Variants in HIBCH observed in about 807,000 individuals in gnomAD.
The protein encoded by HIBCH is 3-hydroxyisobutyryl-CoA hydrolase.
A neutral mutation model predicts 58.2 loss-of-function variants in HIBCH; 50 were observed. The observed-to-expected ratio is 0.86, with a 90% CI of 0.68 to 1.09. The LOEUF (loss-of-function observed/expected upper bound fraction) is 1.09, where lower values mean the gene tolerates loss of function less well. Ranked by LOEUF, HIBCH falls within the 50% of genes least tolerant of loss-of-function variation. The pLI is 0.00. For missense variants in HIBCH, 450 were observed against 449.7 expected (o/e 1.00, Z -0.01); for synonymous variants, 151 against 146.9 (o/e 1.03, Z -0.20).
At chr2:190,280,375 TC>T (rs1441262286) in intron 6 of HIBCH, among the ~76,000 whole-genome samples, 2 of 151,850 alleles carry the variant, frequency 1.3e-5, no homozygotes, top group Non-Finnish European at 2.9e-5. Context: ...GGCAGAGAGC[TC>T]CCCCACACCC....
intron 11 of HIBCH, among the ~76,000 whole-genome samples, chr2:190,221,882 C>T (rs1372483648): frequency 6.6e-6 from 1 of 152,164 alleles, no homozygotes; most frequent in Non-Finnish European, 1.5e-5. Flanking sequence ...CCACTCCATT[C>T]CCTTTACAGC....
chr2:190,220,254 T>C (rs1685679543), intron 11 of HIBCH: 1 of 152,202 alleles, frequency 6.6e-6, no homozygotes, highest in Non-Finnish European at 1.5e-5. Flanking sequence ...TTTTCAAGTT[T>C]ATTGTTGAAT....
chr2:190,235,928 T>C (rs1416913315), intron 11 of HIBCH, among the ~76,000 whole-genome samples: 1 of 152,246 alleles, frequency 6.6e-6, no homozygotes, highest in East Asian at 1.9e-4. Flanking sequence ...ATTGTCATTT[T>C]CATACTTCAG....
chr2:190,237,421 T>A (rs1282377899), intron 11 of HIBCH, among the ~76,000 whole-genome samples: 7 of 152,360 alleles, frequency 4.6e-5, no homozygotes. Flanking sequence ...TATTCCATTG[T>A]ATAAATATAT....
chr2:190,190,310 A>C (rs547089970), intron 1 of HIBCH, among the ~76,000 whole-genome samples: 1 of 152,318 alleles, frequency 6.6e-6, no homozygotes. Flanking sequence ...ATTCATATAA[A>C]TATGATCCAT....
At chr2:190,192,367 A>G (rs912224897) in intron 1 of HIBCH, among the ~76,000 whole-genome samples, 2 of 151,914 alleles carry the variant, frequency 1.3e-5, no homozygotes, top group Admixed American at 1.3e-4. Flanking sequence ...TCTTAACATT[A>G]GATAATAGGA....
chr2:190,212,720 TAG>T (rs1391334353), intron 12 of HIBCH, among the ~76,000 whole-genome samples: 2 of 152,220 alleles, frequency 1.3e-5, no homozygotes, highest in Non-Finnish European at 2.9e-5. Flanking sequence ...AAGATGAGGT[TAG>T]AGAGCTTCTT....
At chr2:190,311,950 T>TG (rs1315844415) in intron 1 of HIBCH, among the ~76,000 whole-genome samples, 1 of 152,042 alleles carries the variant, frequency 6.6e-6, no homozygotes, top group South Asian at 2.1e-4. Flanking sequence ...ATGGTGAGGG[T>TG]GGGGGCACCT....
chr2:190,308,779 G>A (rs1326016035), intron 2 of HIBCH, among the ~76,000 whole-genome samples: 4 of 152,198 alleles, frequency 2.6e-5, no homozygotes, highest in African/African-American at 4.8e-5. Flanking sequence ...CAGTTAGGAA[G>A]GGATATGCCA....
In HIBCH at chr2:190,210,747, C is replaced by G. The variant is rs537628340; in HGVS notation, c.1012-1834G>C. Among the ~76,000 whole-genome samples, 1 of 152,154 alleles carries G rather than the reference C, an allele frequency of 6.6e-6. No homozygotes were observed. Among genetic ancestry groups the G allele is most frequent in the Non-Finnish European group, 1.5e-5 (1 of 68,036 alleles). On this transcript the variant is annotated intron_variant, in intron 12 of 13. Transcript: ENST00000359678. The surrounding 1 kb of genome is among the most constrained non-coding windows in gnomAD (Gnocchi z 5.5). ...GCCTCTTTGTGGTCCCTAGCACAGG[C>G]AGTCATGCTCCAGCCTCACAGCTTT...
downstream of HIBCH, among the ~76,000 whole-genome samples, chr2:190,199,294 TGTA>T (rs1320258046): frequency 7.9e-5 from 12 of 152,206 alleles, no homozygotes; most frequent in African/African-American, 2.7e-4. Flanking sequence ...GTTCTGCTGT[TGTA>T]GTATGAACGC....
chr2:190,253,278 T>C (rs1233959068), intron 7 of HIBCH, among the ~76,000 whole-genome samples: 2 of 152,176 alleles, frequency 1.3e-5, no homozygotes, highest in Admixed American at 1.3e-4. Flanking sequence ...CTTAAACAAC[T>C]GTGACCCTCT....
At chr2:190,261,268 GA>G in intron 6 of HIBCH, 34 bp from the exon 7 acceptor site, 5 of 1,439,554 alleles carry the variant, frequency 3.5e-6, no homozygotes, top group Non-Finnish European at 4.9e-6. Flanking sequence ...AGGCGGGGGG[GA>G]ATTAAACATA....
intron 1 of HIBCH, chr2:190,311,035 T>C (rs1330488876): frequency 1.5e-6 from 1 of 666,918 alleles, no homozygotes; most frequent in South Asian, 1.5e-5. Flanking sequence ...ACCAAGATGT[T>C]CTTCAATGGT....
rs1446415132 is a variant in HIBCH at position 190,206,402 on chromosome 2, G to T, written c.1046-1170C>A. The stretch of plus-strand genomic sequence containing the variant: ...GAATCTCTCTCACTCTAAGTCTTCT[G>T]GTCAATACTACCTGTCTCCTTGAGA... On this transcript the variant is annotated intron_variant, in intron 13 of 13. Transcript: ENST00000359678. The surrounding 1 kb of genome is among the most constrained non-coding windows in gnomAD (Gnocchi z 5.1). Among the ~76,000 whole-genome samples, 1 of 152,140 alleles carries T rather than the reference G, an allele frequency of 6.6e-6. No individual in the cohort carries two copies. The highest frequency in any genetic ancestry group is 1.9e-4 in the East Asian group (1 of 5,200).
intron 6 of HIBCH, among the ~76,000 whole-genome samples, chr2:190,265,122 CAA>C (rs1167140474): frequency 0.01 from 589 of 56,148 alleles, no homozygotes; most frequent in African/African-American, 0.039. Context: ...GACTCCGTCT[CAA>C]AAAAAAAAAA....
intron 11 of HIBCH, among the ~76,000 whole-genome samples, chr2:190,232,169 C>G (rs1426730831): frequency 6.6e-6 from 1 of 151,672 alleles, no homozygotes; most frequent in African/African-American, 2.4e-5. Context: ...CACTCCAGCC[C>G]GGGCAACAGA....
rs561356136 is a variant in HIBCH, at chr2:190,235,879, G to A, written c.891+9008C>T. 1.1e-4 allele frequency among the ~76,000 whole-genome samples: 17 copies of A among 152,264 alleles called. No individual in the cohort carries two copies. The East Asian group carries it at 3.3e-3, about 29-fold the overall frequency. On this transcript the variant is annotated intron_variant, in intron 11 of 13. Transcript: ENST00000359678. ...CTGCATTGTAATTGTTTATGTGTGTGTTCCACTAGATTGCAAACTCCCTGA... is the reference window on the plus strand; with the variant it reads ...CTGCATTGTAATTGTTTATGTGTGTATTCCACTAGATTGCAAACTCCCTGA...
intron 11 of HIBCH, among the ~76,000 whole-genome samples, chr2:190,237,843 CCA>C (rs1456639403): frequency 6.6e-6 from 1 of 151,856 alleles, no homozygotes; most frequent in African/African-American, 2.4e-5. Flanking sequence ...CTGATGGGCC[CCA>C]GTGTGTGATG....
Sources: allele counts gnomAD v4.1 joint callset (sites outside exome capture counted in the v4.1 genomes callset), GRCh38; gene constraint gnomAD v4.1.1; non-coding constraint Gnocchi (gnomAD v3.1); transcripts MANE v1.5; gene names NCBI Gene and HGNC (gene_info 2026-07-23, HGNC 2026-07-21).